RAF1: variants seen among roughly 807,000 people sequenced by gnomAD.
The protein encoded by RAF1 is RAF proto-oncogene serine/threonine-protein kinase.
A neutral mutation model predicts 81.1 loss-of-function variants in RAF1; 27 were observed. The observed-to-expected ratio is 0.33, with a 90% CI of 0.25 to 0.46. The LOEUF (loss-of-function observed/expected upper bound fraction) is 0.46, where lower values mean the gene tolerates loss of function less well. Ranked by LOEUF, RAF1 falls within the 20% of genes least tolerant of loss-of-function variation. The pLI, the probability that RAF1 is intolerant of heterozygous loss-of-function variation, is 1.00. For synonymous variants in RAF1, 298 were observed against 294.0 expected, an observed-to-expected ratio of 1.01 and a Z score of -0.14; for missense variants, 598 against 826.0, an observed-to-expected ratio of 0.72 and a Z score of 3.38.
At chr3:12,597,935 T>C (rs1481510125) in intron 11 of RAF1, among the ~76,000 whole-genome samples, 1 of 149,330 alleles carries the variant, frequency 6.7e-6, no homozygotes, top group Non-Finnish European at 1.5e-5. Flanking sequence ...TATAAATAAA[T>C]ATTCTACAAC....
intron 1 of RAF1, among the ~76,000 whole-genome samples, chr3:12,657,862 A>C (rs13101202): frequency 0.22 from 22,822 of 102,882 alleles, 2,052 homozygotes; most frequent in Admixed American, 0.33. Context: ...CACCCAAAAA[A>C]AAAACAAAAC....
intron 2 of RAF1, among the ~76,000 whole-genome samples, chr3:12,614,818 CAAGT>C (rs2059323712): frequency 6.6e-6 from 1 of 152,118 alleles, no homozygotes; most frequent in Non-Finnish European, 1.5e-5. Flanking sequence ...AGAAACAAAA[CAAGT>C]AAGCTATACT....
intron 1 of RAF1, among the ~76,000 whole-genome samples, chr3:12,642,937 CA>C (rs1293028098): frequency 2.6e-5 from 4 of 151,100 alleles, no homozygotes; most frequent in Non-Finnish European, 5.9e-5. Flanking sequence ...GGAATTCCAC[CA>C]ACAAAATGCA....
Position 12,618,586 on chromosome 3 carries a change from CA to C in RAF1, c.135del (p.Asp45GlufsTer32). 1 of 1,614,106 alleles carries C rather than the reference CA, an allele frequency of 6.2e-7. No individual in the cohort carries two copies. Among genetic ancestry groups the C allele is most frequent in the Non-Finnish European group, 8.5e-7 (1 of 1,180,034 alleles). On this transcript the variant is annotated frameshift_variant, in exon 2 of 18. Transcript: ENST00000442415. LOFTEE classifies it high-confidence loss of function. ...GTCTTAGAAGGATCTGTGAGTTTGC[CA>C]TCATCTGATGCCCGGCGCTGATAGC...
intron 1 of RAF1, among the ~76,000 whole-genome samples, chr3:12,650,145 CAAAAAAAA>C (rs36098034): frequency 3.1e-4 from 24 of 76,972 alleles, no homozygotes; most frequent in South Asian, 7.2e-4. Flanking sequence ...GACTCCATCT[CAAAAAAAA>C]AAAAAAAAAA....
At chr3:12,628,128 TAG>T (rs1226211559) in intron 1 of RAF1, among the ~76,000 whole-genome samples, 2 of 152,238 alleles carry the variant, frequency 1.3e-5, no homozygotes, top group Non-Finnish European at 2.9e-5. Context: ...ATTAAAATGT[TAG>T]AGTGTAAAAC....
chr3:12,630,067 G>T (rs1327980135), intron 1 of RAF1, among the ~76,000 whole-genome samples: 1 of 152,156 alleles, frequency 6.6e-6, no homozygotes. Context: ...ATAGGCGTAA[G>T]CCACTACACC....
At chr3:12,623,861 CTT>C (rs111653370) in intron 1 of RAF1, among the ~76,000 whole-genome samples, 109 of 134,794 alleles carry the variant, frequency 8.1e-4, no homozygotes, top group Admixed American at 1.9e-3. Context: ...TTTCTTTTTT[CTT>C]TTTTTTTTTT....
chr3:12,608,048 A>T (rs564890530), intron 5 of RAF1, among the ~76,000 whole-genome samples: 52 of 152,166 alleles, frequency 3.4e-4, no homozygotes, highest in African/African-American at 1.2e-3. Flanking sequence ...TCACAAAATC[A>T]ATACGTAAGT....
intron 7 of RAF1, 61 bp downstream of exon 7, chr3:12,604,075 A>G (rs1231734649): frequency 1.2e-4 from 186 of 1,593,278 alleles, no homozygotes; most frequent in Non-Finnish European, 1.5e-4. Context: ...AAACTCTGAA[A>G]TAAGTATCAA....
At chr3:12,637,188 A>C (rs1441460668) in intron 1 of RAF1, among the ~76,000 whole-genome samples, 1 of 152,190 alleles carries the variant, frequency 6.6e-6, no homozygotes, top group Admixed American at 6.5e-5. Context: ...CTCACTAGTA[A>C]ACCTGGGAAC....
intron 1 of RAF1, among the ~76,000 whole-genome samples, chr3:12,627,777 C>T (rs1244234000): frequency 6.6e-6 from 1 of 152,194 alleles, no homozygotes; most frequent in Non-Finnish European, 1.5e-5. Context: ...CCGTATCTTT[C>T]TATAATCTCT....
intron 2 of RAF1, among the ~76,000 whole-genome samples, chr3:12,617,888 AAAAAG>A (rs1256160603): frequency 4.1e-5 from 6 of 147,470 alleles, no homozygotes; most frequent in Non-Finnish European, 8.9e-5. Flanking sequence ...CAAAAAAAAA[AAAAAG>A]AAAAGAAAAA....
chr3:12,623,525 C>T (rs1266889296), intron 1 of RAF1, among the ~76,000 whole-genome samples: 5 of 152,138 alleles, frequency 3.3e-5, no homozygotes, highest in African/African-American at 1.2e-4. Flanking sequence ...GGGTTGGGTG[C>T]GGGGGCTCAC....
chr3:12,596,957 G>A (rs1176457179), intron 11 of RAF1, among the ~76,000 whole-genome samples: 1 of 151,338 alleles, frequency 6.6e-6, no homozygotes, highest in Non-Finnish European at 1.5e-5. Flanking sequence ...GAAGTGGAGT[G>A]GCACGATCTC....
intron 1 of RAF1, among the ~76,000 whole-genome samples, chr3:12,661,722 G>A (rs2060883576): frequency 6.6e-6 from 1 of 151,964 alleles, no homozygotes; most frequent in Admixed American, 6.6e-5. Flanking sequence ...AAAAACAATA[G>A]AATAATAAAA....
intron 1 of RAF1, among the ~76,000 whole-genome samples, chr3:12,657,354 G>A (rs1419680648): frequency 2.0e-5 from 3 of 152,212 alleles, no homozygotes; most frequent in Non-Finnish European, 4.4e-5. Flanking sequence ...AGGAAGCTGG[G>A]TAGCTAGAGA....
chr3:12,652,813 A>G (rs1031721085), intron 1 of RAF1, among the ~76,000 whole-genome samples: 5 of 151,398 alleles, frequency 3.3e-5, no homozygotes, highest in African/African-American at 9.7e-5. Context: ...GCCAGGTGTT[A>G]TACAGCTACT....
At chr3:12,615,126 T>C (rs2059333952) in intron 2 of RAF1, among the ~76,000 whole-genome samples, 1 of 152,208 alleles carries the variant, frequency 6.6e-6, no homozygotes, top group Non-Finnish European at 1.5e-5. Flanking sequence ...TCAGTTAGTA[T>C]GGAATAAAGC....
Sources: allele counts gnomAD v4.1 joint callset (sites outside exome capture counted in the v4.1 genomes callset), GRCh38; gene constraint gnomAD v4.1.1; transcripts MANE v1.5; gene names NCBI Gene and HGNC (gene_info 2026-07-23, HGNC 2026-07-21).